The following PICALM variants were observed in gnomAD, a reference collection of about 807,000 sequenced individuals.
PICALM encodes phosphatidylinositol binding clathrin assembly protein.
In PICALM, 40 loss-of-function variants were observed where a neutral mutation model predicts 80.5. The ratio of observed to expected loss-of-function variants is 0.50; its 90% confidence interval spans 0.39 to 0.65. PICALM has a LOEUF of 0.65. PICALM is among the 30% of genes least tolerant of loss of function. PICALM has a pLI of 0.00. For synonymous variants in PICALM, 288 were observed against 260.3 expected, an observed-to-expected ratio of 1.11 and a Z score of -1.02; for missense variants, 676 against 778.9, an observed-to-expected ratio of 0.87 and a Z score of 1.57.
chr11:85,996,816 C>G lies in PICALM; in HGVS notation c.1258+10G>C, dbSNP rs1315882771. The G allele has an allele frequency of 4.1e-6, 6 of 1,476,668 alleles. No individual in the cohort carries two copies. 91.5% of individuals were successfully genotyped at this position (1,476,668 alleles called of 1,614,324 possible). A position where few individuals can be genotyped will look rare whatever the true frequency, so the allele number is the denominator to read the frequency against. On this transcript the variant is annotated intron_variant, in intron 12 of 19. Coordinates refer to ENST00000393346, the MANE Select transcript of PICALM (RefSeq NM_007166.4). ...ATGTAACATCTAAAATAGAATTCAT[C>G]AATGCTTACCTCCCCATGTACTTGC...
chr11:85,977,850 C>T (rs10898428), intron 17 of PICALM, among the ~76,000 whole-genome samples: 5,696 of 152,132 alleles, frequency 0.037, 166 homozygotes, highest in Middle Eastern at 0.11. Context: ...CAGCAAATGG[C>T]GGAATATTAA....
At chr11:85,994,455 G>C (rs867532779) in intron 12 of PICALM, among the ~76,000 whole-genome samples, 1 of 151,974 alleles carries the variant, frequency 6.6e-6, no homozygotes, top group African/African-American at 2.4e-5. Context: ...TCTATGACTA[G>C]GAATGCGCAT....
chr11:86,000,340 T>G (rs113740915), intron 11 of PICALM, among the ~76,000 whole-genome samples: 1 of 152,216 alleles, frequency 6.6e-6, no homozygotes, highest in African/African-American at 2.4e-5. Flanking sequence ...CTTGAACCAT[T>G]AGATGCCTCA....
At chr11:85,993,861 A>T (rs2094875068) in intron 12 of PICALM, among the ~76,000 whole-genome samples, 2 of 152,140 alleles carry the variant, frequency 1.3e-5, no homozygotes, top group Admixed American at 1.3e-4. Context: ...ACTGATACCT[A>T]CATTCACACA....
chr11:85,967,350 T>C (rs1292123034), intron 19 of PICALM, among the ~76,000 whole-genome samples: 1 of 150,624 alleles, frequency 6.6e-6, no homozygotes, highest in Non-Finnish European at 1.5e-5. Flanking sequence ...TTTCTGGTTT[T>C]ATTTATTAAG....
intron 9 of PICALM, among the ~76,000 whole-genome samples, chr11:86,002,736 G>A (rs182855141): frequency 6.6e-6 from 1 of 152,270 alleles, no homozygotes; most frequent in Non-Finnish European, 1.5e-5. Flanking sequence ...TTATAGGCCT[G>A]GCACGGTGGT....
chr11:85,975,721 C>G (rs1294258688), intron 18 of PICALM, among the ~76,000 whole-genome samples: 1 of 151,672 alleles, frequency 6.6e-6, no homozygotes, highest in African/African-American at 2.4e-5. Context: ...CTCAGCCTCC[C>G]AAGTAGCTGG....
chr11:86,042,790 G>A (rs1375964022), intron 1 of PICALM, among the ~76,000 whole-genome samples: 3 of 151,800 alleles, frequency 2.0e-5, no homozygotes, highest in Non-Finnish European at 1.5e-5. Flanking sequence ...CCCAAGCAGG[G>A]TCCAGAGTGG....
intron 4 of PICALM, among the ~76,000 whole-genome samples, chr11:86,015,389 T>C (rs1382436101): frequency 2.0e-4 from 30 of 152,190 alleles, no homozygotes. Context: ...GGCCAAGAGT[T>C]AACAAAGTCT....
chr11:86,055,194 G>C (rs2096250795), intron 1 of PICALM, among the ~76,000 whole-genome samples: 1 of 151,840 alleles, frequency 6.6e-6, no homozygotes, highest in Non-Finnish European at 1.5e-5. Context: ...GCCAGGCGTG[G>C]TGGCACACGT....
At chr11:86,001,672 A>C (rs1196466538) in intron 9 of PICALM, among the ~76,000 whole-genome samples, 1 of 152,222 alleles carries the variant, frequency 6.6e-6, no homozygotes, top group Non-Finnish European at 1.5e-5. Flanking sequence ...CTTCAAAAGA[A>C]GACTGGTTTC....
In PICALM at chr11:85,990,307, T is replaced by G. The variant is rs763024546; in HGVS notation, c.1351A>C (p.Ile451Leu). ...GTAAAAGTAGATACATCTGAAGAAA[T>G]GGAAAGGTGAACATCACCACTACTT... ...TKSSGDVHLS[I>L]SSDVSTFTTR... is the part of the protein sequence containing the mutation. The change falls in exon 13 of 20, where the codon ATT (isoleucine) becomes CTT (leucine). Residue 451 changes from isoleucine to leucine, a missense_variant. Ile to Leu is a conservative substitution (Grantham distance 5). Coordinates refer to ENST00000393346, the MANE Select transcript of PICALM (RefSeq NM_007166.4). 41 of 1,607,004 alleles carry G rather than the reference T, an allele frequency of 2.6e-5. No homozygotes were observed. The highest frequency in any genetic ancestry group is 4.3e-6 in the Non-Finnish European group (5 of 1,174,196).
At chr11:86,049,423 T>C (rs765669614) in intron 1 of PICALM, among the ~76,000 whole-genome samples, 95 of 152,332 alleles carry the variant, frequency 6.2e-4, no homozygotes, top group Non-Finnish European at 1.3e-3. Flanking sequence ...ACCCACTCCA[T>C]TTTGTATGTA....
chr11:85,976,176 G>C (rs2094276622), intron 18 of PICALM, among the ~76,000 whole-genome samples: 1 of 152,124 alleles, frequency 6.6e-6, no homozygotes, highest in Non-Finnish European at 1.5e-5. Context: ...ATTTTGAAAG[G>C]TTAAAAGACT....
chr11:86,033,161 T>C (rs1593149188), intron 1 of PICALM, among the ~76,000 whole-genome samples: 1 of 152,222 alleles, frequency 6.6e-6, no homozygotes, highest in African/African-American at 2.4e-5. Flanking sequence ...TAGCACTTTA[T>C]AACTGGCCTA....
intron 1 of PICALM, among the ~76,000 whole-genome samples, chr11:86,044,938 C>T (rs1009783037): frequency 1.3e-5 from 2 of 152,210 alleles, no homozygotes; most frequent in African/African-American, 4.8e-5. Context: ...CATGAAACCA[C>T]TCCTTGGTGC....
chr11:86,042,048 T>G (rs1244794984), intron 1 of PICALM, among the ~76,000 whole-genome samples: 1 of 152,210 alleles, frequency 6.6e-6, no homozygotes, highest in Non-Finnish European at 1.5e-5. Flanking sequence ...TCCGTTGGCA[T>G]TCTGGTAAAC....
chr11:85,959,967 A>G (rs1187543815), intron 19 of PICALM, among the ~76,000 whole-genome samples: 1 of 152,206 alleles, frequency 6.6e-6, no homozygotes, highest in Non-Finnish European at 1.5e-5. Context: ...TGACAAGTTC[A>G]GAAAAATCTC....
chr11:85,980,601 A>G (rs952065564), intron 17 of PICALM, among the ~76,000 whole-genome samples: 1 of 152,220 alleles, frequency 6.6e-6, no homozygotes, highest in Non-Finnish European at 1.5e-5. Flanking sequence ...TCATATATAT[A>G]AATTATATGA....
Sources: allele counts gnomAD v4.1 joint callset (sites outside exome capture counted in the v4.1 genomes callset), GRCh38; gene constraint gnomAD v4.1.1; transcripts MANE v1.5; gene names NCBI Gene and HGNC (gene_info 2026-07-23, HGNC 2026-07-21).